Variants in ACYP2 observed in about 807,000 individuals in gnomAD.
The protein encoded by ACYP2 is acylphosphatase 2.
Under a neutral mutation model 11.2 loss-of-function variants are expected in ACYP2, and 12 were observed. The observed-to-expected ratio is 1.08, with a 90% CI of 0.69 to 1.74. The LOEUF (loss-of-function observed/expected upper bound fraction) is 1.74. Among genes scored for constraint, ACYP2 ranks in the 40% most tolerant of loss-of-function variants. ACYP2 has a pLI of 0.00. For synonymous variants in ACYP2, 43 were observed against 32.2 expected, an observed-to-expected ratio of 1.33 and a Z score of -1.13; for missense variants, 134 against 101.9, an observed-to-expected ratio of 1.31 and a Z score of -1.35.
chr2:54,123,442 T>C lies in ACYP2; in HGVS notation c.278-12011T>C, dbSNP rs1280187052. On this transcript the variant is annotated intron_variant, in intron 4 of 6. Coordinates refer to ENST00000607452, the MANE Select transcript of ACYP2 (RefSeq NM_001320586.2). Reference sequence around the variant, plus strand: ...AGGACTACATCATAGTCCTGTTTTCTGCTTTCCTTTTTTTGTGTGTGTGGC... The same window carrying C: ...AGGACTACATCATAGTCCTGTTTTCCGCTTTCCTTTTTTTGTGTGTGTGGC... 8 of 398,518 alleles carry C rather than the reference T, an allele frequency of 2.0e-5. No homozygotes were observed. The Admixed American group carries it at 2.2e-4, about 11-fold the overall frequency. The allele number at this position is 398,518 out of a possible 1,614,324, so 24.7% of individuals were successfully genotyped here. A position where few individuals can be genotyped will look rare whatever the true frequency, so the allele number is the denominator to read the frequency against.
intron 5 of ACYP2, among the ~76,000 whole-genome samples, chr2:54,135,897 AATTT>A (rs1432880913): frequency 6.6e-6 from 1 of 152,140 alleles, no homozygotes; most frequent in Non-Finnish European, 1.5e-5. Context: ...CGTGTTTTAA[AATTT>A]ATTTATTTAG....
intron 6 of ACYP2, among the ~76,000 whole-genome samples, chr2:54,182,047 A>AT (rs35145998): frequency 0.18 from 15,166 of 83,010 alleles, 2,806 homozygotes; most frequent in South Asian, 0.24. Context: ...ATAGAAGATA[A>AT]TTTTTTTTTT....
chr2:54,226,577 G>A (rs1013049609), intron 6 of ACYP2, among the ~76,000 whole-genome samples: 4 of 152,206 alleles, frequency 2.6e-5, no homozygotes, highest in Non-Finnish European at 4.4e-5. Context: ...TCTTAGGCTT[G>A]GGTCACAGGA....
At chr2:54,257,028 C>G (rs948413304) in intron 6 of ACYP2, among the ~76,000 whole-genome samples, 4 of 152,038 alleles carry the variant, frequency 2.6e-5, no homozygotes, top group Non-Finnish European at 5.9e-5. Flanking sequence ...TTAATATGTG[C>G]CAATTTGTCA....
intron 6 of ACYP2, among the ~76,000 whole-genome samples, chr2:54,201,622 TTGTTTCTTTCTTTCTC>T (rs1459003881): frequency 2.8e-5 from 3 of 105,496 alleles, no homozygotes; most frequent in African/African-American, 1.2e-4. Flanking sequence ...CTTTCTTTCT[TTGTTTCTTTCTTTCTC>T]TTTCTTTCTT....
intron 2 of ACYP2, among the ~76,000 whole-genome samples, chr2:53,983,223 G>C (rs1017247129): frequency 6.6e-6 from 1 of 152,142 alleles, no homozygotes; most frequent in Non-Finnish European, 1.5e-5. Flanking sequence ...AAGAAAATAG[G>C]CCAGGCACAG....
At chr2:54,171,213 C>G (rs1683208316) in intron 6 of ACYP2, among the ~76,000 whole-genome samples, 2 of 152,300 alleles carry the variant, frequency 1.3e-5, no homozygotes, top group African/African-American at 4.8e-5. Context: ...CGCTGGCCTT[C>G]CTTCGTGTCT....
At chr2:54,029,921 T>A in intron 2 of ACYP2, 1 of 275,164 alleles carries the variant, frequency 3.6e-6, no homozygotes, top group Non-Finnish European at 6.9e-6. Context: ...CCGCCAATAA[T>A]GAGAAGCAGA....
intron 2 of ACYP2, among the ~76,000 whole-genome samples, chr2:54,045,671 C>G (rs905331084): frequency 3.3e-5 from 5 of 151,832 alleles, no homozygotes; most frequent in African/African-American, 1.2e-4. Context: ...AAAAAATTAG[C>G]TGGGTGTGGT....
intron 6 of ACYP2, among the ~76,000 whole-genome samples, chr2:54,295,613 G>A (rs569471102): frequency 5.3e-5 from 8 of 152,156 alleles, no homozygotes; most frequent in Admixed American, 3.3e-4. Context: ...TTATTTCTTC[G>A]GGGTCGGGGG....
intron 2 of ACYP2, among the ~76,000 whole-genome samples, chr2:54,016,507 C>T (rs1673690714): frequency 6.6e-6 from 1 of 152,018 alleles, no homozygotes; most frequent in Non-Finnish European, 1.5e-5. Context: ...AATGAGGGTG[C>T]AGTTATTTCA....
intron 6 of ACYP2, among the ~76,000 whole-genome samples, chr2:54,140,180 C>T (rs1010607456): frequency 6.6e-6 from 1 of 151,884 alleles, no homozygotes; most frequent in African/African-American, 2.4e-5. Context: ...TTGGGACTTT[C>T]GTTGTACAGA....
intron 4 of ACYP2, among the ~76,000 whole-genome samples, chr2:54,110,886 TG>T (rs1256891956): frequency 6.6e-6 from 1 of 151,984 alleles, no homozygotes; most frequent in East Asian, 1.9e-4. Context: ...AGGCTGTGGC[TG>T]GAGATGTCTG....
At chr2:54,113,132 C>T (rs1427129455) in intron 4 of ACYP2, among the ~76,000 whole-genome samples, 1 of 152,078 alleles carries the variant, frequency 6.6e-6, no homozygotes, top group Non-Finnish European at 1.5e-5. Context: ...TGTTTTAAGT[C>T]ATCTCTAGAT....
At chr2:54,202,771 C>T (rs1212432729) in intron 6 of ACYP2, among the ~76,000 whole-genome samples, 3 of 115,646 alleles carry the variant, frequency 2.6e-5, no homozygotes, top group East Asian at 6.0e-4. Context: ...CTATGTTGCC[C>T]ACGCTGGCCT....
At chr2:54,128,531 G>A (rs947614271) in intron 4 of ACYP2, among the ~76,000 whole-genome samples, 9 of 152,100 alleles carry the variant, frequency 5.9e-5, no homozygotes, top group African/African-American at 2.2e-4. Flanking sequence ...TCCAGACGTG[G>A]TGGTGTGCAC....
At chr2:54,295,190 C>T (rs182054242) in intron 6 of ACYP2, among the ~76,000 whole-genome samples, 23 of 152,054 alleles carry the variant, frequency 1.5e-4, no homozygotes, top group Non-Finnish European at 2.4e-4. Context: ...AACTCACAAG[C>T]GCAAAAAAAT....
At chr2:54,188,492 G>T (rs1169129041) in intron 6 of ACYP2, among the ~76,000 whole-genome samples, 2 of 152,122 alleles carry the variant, frequency 1.3e-5, no homozygotes, top group African/African-American at 2.4e-5. Context: ...TTTCTAAAAT[G>T]ATAGTAGTTA....
At chr2:54,073,346 G>A (rs572755133) in intron 4 of ACYP2, among the ~76,000 whole-genome samples, 115 of 151,812 alleles carry the variant, frequency 7.6e-4, no homozygotes, top group African/African-American at 2.7e-3. Flanking sequence ...GGGCAATGTA[G>A]GGAGACCATA....
Sources: allele counts gnomAD v4.1 joint callset (sites outside exome capture counted in the v4.1 genomes callset), GRCh38; gene constraint gnomAD v4.1.1; transcripts MANE v1.5; gene names NCBI Gene and HGNC (gene_info 2026-07-23, HGNC 2026-07-21).